The following RNF213 variants were observed in gnomAD, a reference collection of about 807,000 sequenced individuals.
The protein encoded by RNF213 is ring finger protein 213.
RNF213 carries 341 observed loss-of-function variants against 514.4 expected under a neutral mutation model. That is an observed-to-expected ratio of 0.66 (90% CI 0.61 to 0.73). The LOEUF is 0.73. Ranked by LOEUF, RNF213 falls within the 30% of genes least tolerant of loss-of-function variation. RNF213 has a pLI of 0.00. For synonymous variants in RNF213, 2,655 were observed against 2,658.2 expected (o/e 1.00, Z 0.04); for missense variants, 5,767 against 6,615.6 (o/e 0.87, Z 4.45).
chr17:80,371,419 A>G (rs2079514477), intron 46 of RNF213, among the ~76,000 whole-genome samples: 1 of 152,398 alleles, frequency 6.6e-6, no homozygotes, highest in African/African-American at 2.4e-5. Context: ...GCCAGGCCCC[A>G]GGGCCAGCAC....
At chr17:80,293,191 G>T (rs1310274303) in intron 8 of RNF213, among the ~76,000 whole-genome samples, 1 of 151,838 alleles carries the variant, frequency 6.6e-6, no homozygotes, top group Non-Finnish European at 1.5e-5. Flanking sequence ...CCAAGTAGCT[G>T]GGCCTACAGG....
intron 18 of RNF213, among the ~76,000 whole-genome samples, chr17:80,325,958 TA>T (rs2046269789): frequency 6.6e-6 from 1 of 151,940 alleles, no homozygotes; most frequent in Admixed American, 6.6e-5. Flanking sequence ...TTTATTTATT[TA>T]TTTATTTATT....
rs759596647 is a variant in RNF213, at chr17:80,363,137, A to T, written c.11391A>T (p.Lys3797Asn). 4.3e-6 allele frequency: 7 copies of T among 1,614,102 alleles called. No homozygotes were observed. The East Asian group carries it at 1.6e-4, about 36-fold the overall frequency. Residue 3797 changes from lysine to asparagine, a missense_variant, in exon 40 of 68, where the codon AAA becomes AAT. Coordinates refer to ENST00000582970, the MANE Select transcript of RNF213 (RefSeq NM_001256071.3). ...LQMALWSCTR[K>N]LKAASEAPEE... Reference sequence around the variant, plus strand: ...TGGCTCTGTGGTCCTGCACTAGGAAACTGAAAGCGGCGTCAGAAGCGCCCG... The same window carrying T: ...TGGCTCTGTGGTCCTGCACTAGGAATCTGAAAGCGGCGTCAGAAGCGCCCG...
At chr17:80,270,489 T>A (rs1290068704) in intron 2 of RNF213, among the ~76,000 whole-genome samples, 1 of 152,212 alleles carries the variant, frequency 6.6e-6, no homozygotes. Flanking sequence ...CTCCCTGCCT[T>A]CTAGATTTCT....
At chr17:80,375,900 A>C (rs527832453) in intron 51 of RNF213, 30 bp downstream of exon 51, 1 of 1,418,228 alleles carries the variant, frequency 7.1e-7, no homozygotes, top group South Asian at 1.1e-5. Flanking sequence ...GCTGTGTTCA[A>C]AGTCTCAGTA....
At position 80,294,925 on chromosome 17, in the gene RNF213, T is replaced by C. The variant is rs1285697033; in HGVS notation, c.1677T>C (p.Phe559=). The change falls in exon 9 of 68, where the codon TTT becomes TTC. Residue 559 remains phenylalanine, a synonymous_variant. Transcript: ENST00000582970. ...LNSFFTQFEQ[F]CFVLQQPMIY... The stretch of plus-strand genomic sequence containing the variant: ...GCTTCTTCACCCAGTTCGAGCAGTT[T>C]TGCTTTGTCCTGCAACAGCCTATGA... The C allele has an allele frequency of 1.2e-6, 2 of 1,614,192 alleles. No homozygotes were observed. Among genetic ancestry groups the C allele is most frequent in the Non-Finnish European group, 1.7e-6 (2 of 1,180,046 alleles).
At position 80,273,702 on chromosome 17, in the gene RNF213, C is replaced by T. The variant is rs944800721; in HGVS notation, c.261+298C>T. ...TGGTGCGATCTCGGCTCGCTGCAGC[C>T]TCCACCTCCTGGTTTCAAGCAATTC... On this transcript the variant is annotated intron_variant, in intron 3 of 67. Transcript: ENST00000582970. 2.0e-5 allele frequency among the ~76,000 whole-genome samples: 3 copies of T among 150,756 alleles called. No individual in the cohort carries two copies. The Admixed American group carries it at 2.0e-4, about 10-fold the overall frequency.
At chr17:80,368,593 C>T (rs1309693306) in intron 44 of RNF213, among the ~76,000 whole-genome samples, 17 of 152,032 alleles carry the variant, frequency 1.1e-4, no homozygotes, top group Admixed American at 9.8e-4. Context: ...CCACCATGCC[C>T]GGCTAATTTT....
At chr17:80,307,854 GTTTTTT>G (rs59352873) in intron 13 of RNF213, among the ~76,000 whole-genome samples, 2 of 130,716 alleles carry the variant, frequency 1.5e-5, no homozygotes, top group Admixed American at 7.9e-5. Flanking sequence ...CTGGCCGTCT[GTTTTTT>G]TTTTTTTTTT....
intron 39 of RNF213, 25 bp downstream of exon 39, chr17:80,361,913 G>C (rs376135559): frequency 2.3e-5 from 37 of 1,606,172 alleles, no homozygotes; most frequent in Admixed American, 8.4e-5. Flanking sequence ...ACTGGCTAAG[G>C]GTCAGGTGTA....
chr17:80,317,041 CTG>C lies in RNF213; in HGVS notation c.2812-145_2812-144del. 1.1e-6 allele frequency: 1 copy of C among 899,110 alleles called. No homozygotes were observed. The highest frequency in any genetic ancestry group is 1.8e-6 in the Non-Finnish European group (1 of 557,194). 55.7% of individuals were successfully genotyped at this position (899,110 alleles called of 1,614,324 possible). A position where few individuals can be genotyped will look rare whatever the true frequency, so the allele number is the denominator to read the frequency against. Reference sequence around the variant, plus strand: ...TGTGACCGGCCACTAGCATGGCTGACTGTTGATGAAGGTTGGGGAGAGCCCTG... The same window carrying C: ...TGTGACCGGCCACTAGCATGGCTGACTTGATGAAGGTTGGGGAGAGCCCTG... On this transcript the variant is annotated intron_variant, in intron 15 of 67. Coordinates refer to ENST00000582970, the MANE Select transcript of RNF213 (RefSeq NM_001256071.3). This position sits in a 1 kb window ranked among gnomAD's most constrained non-coding sequence, Gnocchi z 4.1.
chr17:80,338,014 G>A lies in RNF213; in HGVS notation c.4833+17G>A, dbSNP rs1196566625. On this transcript the variant is annotated intron_variant, in intron 25 of 67. Transcript: ENST00000582970. ...TTTTCAGAGGTGAGGGCGCATCTTT[G>A]CAGTGGCGCTAAGCTGGTGGTGTCA... 6.5e-7 allele frequency: 1 copy of A among 1,537,278 alleles called. No individual in the cohort carries two copies. Among genetic ancestry groups the A allele is most frequent in the Non-Finnish European group, 8.7e-7 (1 of 1,146,914 alleles).
In RNF213 at chr17:80,282,565, A is replaced by AT. The variant is rs1427134355; in HGVS notation, c.262-5243dup. Among the ~76,000 whole-genome samples, 11 of 151,448 alleles carry AT rather than the reference A, an allele frequency of 7.3e-5. 1 individual carries two copies. The highest frequency in any genetic ancestry group is 1.2e-4 in the Non-Finnish European group (8 of 67,848). On this transcript the variant is annotated intron_variant, in intron 3 of 67. Transcript: ENST00000582970. ...AGGCGCCCACCACCACGCCCAGCCA[A>AT]TTTTTTTGTATTTTTGTAGAGATGG...
chr17:80,390,121 A>C lies in RNF213; in HGVS notation c.15395A>C (p.Glu5132Ala), dbSNP rs1599222192. 6.8e-6 allele frequency: 11 copies of C among 1,614,190 alleles called. No individual in the cohort carries two copies. The highest frequency in any genetic ancestry group is 1.3e-5 in the African/African-American group (1 of 75,036). ...ACTGGCCTAGACGCCTTCCTGCTAG[A>C]GCTGCACGAAATGATAATCTTGAAA... ...NQTGLDAFLL[E>A]LHEMIILKLK... The change falls in exon 67 of 68, where the codon GAG becomes GCG. Residue 5132 changes from glutamate to alanine, a missense_variant. Physicochemically the swap from Glu to Ala is moderately radical, Grantham distance 107. Around this residue, in one of 13 missense-constraint regions of RNF213, gnomAD observed 1,245 missense variants for 1,339.0 expected, o/e 0.93. Coordinates refer to ENST00000582970, the MANE Select transcript of RNF213 (RefSeq NM_001256071.3).
chr17:80,323,991 G>T (rs1314614322), intron 17 of RNF213, among the ~76,000 whole-genome samples: 1 of 152,104 alleles, frequency 6.6e-6, no homozygotes, highest in Non-Finnish European at 1.5e-5. Context: ...GTGTGTGTGT[G>T]TGTGCATGAG....
intron 57 of RNF213, chr17:80,382,353 A>AGG (rs2080045744): frequency 6.4e-6 from 1 of 156,346 alleles, no homozygotes; most frequent in Non-Finnish European, 1.4e-5. Flanking sequence ...TAATCTGCAA[A>AGG]AATCACAATG....
At chr17:80,270,588 T>C (rs1479644224) in intron 2 of RNF213, among the ~76,000 whole-genome samples, 1 of 152,226 alleles carries the variant, frequency 6.6e-6, no homozygotes, top group Admixed American at 6.5e-5. Context: ...GCCTCCGTTC[T>C]GATTTCCTTC....
rs200704623 is a variant in RNF213, at chr17:80,347,935, T to C, written c.9600T>C (p.Asn3200=). The part of the protein sequence containing the change: ...ELCAWVEKFI[N]VKAHHFQKRH... ...GTGCGTGGGTGGAGAAGTTCATCAA[T>C]GTCAAAGCACATCATTTCCAGAAGA... The change falls in exon 29 of 68, where the codon AAT becomes AAC. Residue 3200 remains asparagine (N), a synonymous_variant. Transcript: ENST00000582970. The surrounding 1 kb of genome is among the most constrained non-coding windows in gnomAD (Gnocchi z 7.2). 4.6e-5 allele frequency: 75 copies of C among 1,613,958 alleles called. No individual in the cohort carries two copies. The highest frequency in any genetic ancestry group is 5.7e-5 in the Non-Finnish European group (67 of 1,179,912).
intron 26 of RNF213, chr17:80,341,753 A>G (rs1167385003): frequency 6.6e-6 from 1 of 152,190 alleles, no homozygotes; most frequent in African/African-American, 2.4e-5. Flanking sequence ...AAAAAGAGAA[A>G]GAAAGAAAGA....
Sources: allele counts gnomAD v4.1 joint callset (sites outside exome capture counted in the v4.1 genomes callset), GRCh38; gene constraint gnomAD v4.1.1; regional missense constraint gnomAD v4.1.1; non-coding constraint Gnocchi (gnomAD v3.1); transcripts MANE v1.5; gene names NCBI Gene and HGNC (gene_info 2026-07-23, HGNC 2026-07-21).